GRIN2D: variants seen among roughly 807,000 people sequenced by gnomAD.
The protein encoded by GRIN2D is glutamate ionotropic receptor NMDA type subunit 2D, also known as glutamate receptor ionotropic, NMDA 2D.
A neutral mutation model predicts 103.2 loss-of-function variants in GRIN2D; 37 were observed. That is an observed-to-expected ratio of 0.36 (90% CI 0.28 to 0.47). The LOEUF (loss-of-function observed/expected upper bound fraction) is 0.47. GRIN2D is among the 20% of genes least tolerant of loss of function. The pLI is 1.00. For synonymous variants in GRIN2D, 845 were observed against 885.6 expected (o/e 0.95, Z 0.81); for missense variants, 1,557 against 1,910.6 (o/e 0.81, Z 3.45).
Position 48,443,489 on chromosome 19 carries a change from T to C in GRIN2D, c.3563T>C (p.Leu1188Pro). The change falls in exon 14 of 14, where the codon CTG (leucine) becomes CCG (proline). Residue 1188 changes from leucine to proline, a missense_variant. Transcript: ENST00000263269. The surrounding 1 kb of genome is among the most constrained non-coding windows in gnomAD (Gnocchi z 8.9). Reference protein sequence around the residue: ...WHCRHCASLELLPPPRHLSCS... With the variant: ...WHCRHCASLEPLPPPRHLSCS... ...TGTCGGCACTGCGCCAGCCTGGAGC[T>C]GCTGCCGCCGCCGCGCCATCTCAGC... 7.3e-7 allele frequency: 1 copy of C among 1,360,792 alleles called. No individual in the cohort carries two copies. The highest frequency in any genetic ancestry group is 3.4e-5 in the Admixed American group (1 of 29,610). The allele number at this position is 1,360,792 out of a possible 1,614,324, so 84.3% of individuals were successfully genotyped here. A position where few individuals can be genotyped will look rare whatever the true frequency, so the allele number is the denominator to read the frequency against.
In GRIN2D at chr19:48,398,650, C is replaced by A. The variant is rs1420604125; in HGVS notation, c.258C>A (p.Pro86=). ...GCAGCCCGGGCCTAGACGTGCGGCC[C>A]GTGGCGCTGGTGCTCAACGGCTCGG... is the stretch of plus-strand genomic sequence containing the variant. ...AVRSPGLDVR[P]VALVLNGSDP... Residue 86 remains proline (P), a synonymous_variant, in exon 3 of 14, where the codon CCC becomes CCA. Transcript: ENST00000263269. 7.0e-7 allele frequency: 1 copy of A among 1,435,596 alleles called. No homozygotes were observed. Among genetic ancestry groups the A allele is most frequent in the East Asian group, 3.1e-5 (1 of 32,094 alleles). The allele number at this position is 1,435,596 out of a possible 1,614,324, so 88.9% of individuals were successfully genotyped here. A position where few individuals can be genotyped will look rare whatever the true frequency, so the allele number is the denominator to read the frequency against.
chr19:48,431,334 T>C (rs1044765499), intron 11 of GRIN2D, among the ~76,000 whole-genome samples: 2 of 152,206 alleles, frequency 1.3e-5, no homozygotes, highest in Non-Finnish European at 2.9e-5. Flanking sequence ...TTTGGAGACA[T>C]TGCAAATCTG....
chr19:48,398,874 C>G lies in GRIN2D; in HGVS notation c.465+17C>G. 1.1e-6 allele frequency: 1 copy of G among 944,098 alleles called. No homozygotes were observed. Among genetic ancestry groups the G allele is most frequent in the South Asian group, 4.4e-5 (1 of 22,868 alleles). The allele number at this position is 944,098 out of a possible 1,614,324, so 58.5% of individuals were successfully genotyped here. The stretch of plus-strand genomic sequence containing the variant: ...ACGCCCAAGGTGCGCGCGACCGGGG[C>G]GGGGCGGGGCCACAGGAGGGGCGGG... On this transcript the variant is annotated intron_variant, in intron 3 of 13. Coordinates refer to ENST00000263269, the MANE Select transcript of GRIN2D (RefSeq NM_000836.4).
chr19:48,400,375 C>G (rs965486670), intron 3 of GRIN2D, among the ~76,000 whole-genome samples: 6 of 152,190 alleles, frequency 3.9e-5, no homozygotes, highest in African/African-American at 1.4e-4. Flanking sequence ...TGCAGAGGCT[C>G]GTAGTCCTCT....
In GRIN2D at chr19:48,444,016, G is replaced by C; in HGVS notation, c.*79G>C. ...GGGGCGCCCGCAGTGGACAGGACCC[G>C]CGTGGGTTGGGAAGGAAAGCAGTGG... On this transcript the variant is annotated 3_prime_UTR_variant, in exon 14 of 14. Transcript: ENST00000263269. The surrounding 1 kb of genome is among the most constrained non-coding windows in gnomAD (Gnocchi z 5.5). 4 of 956,332 alleles carry C rather than the reference G, an allele frequency of 4.2e-6. No individual in the cohort carries two copies. Among genetic ancestry groups the C allele is most frequent in the Non-Finnish European group, 5.7e-6 (4 of 707,468 alleles). 59.2% of individuals were successfully genotyped at this position (956,332 alleles called of 1,614,324 possible). A position where few individuals can be genotyped will look rare whatever the true frequency, so the allele number is the denominator to read the frequency against.
intron 11 of GRIN2D, among the ~76,000 whole-genome samples, chr19:48,432,399 CAT>C (rs1204408219): frequency 2.0e-5 from 3 of 151,958 alleles, no homozygotes; most frequent in African/African-American, 7.3e-5. Context: ...ATTCTCATGT[CAT>C]TTGTTCTGAG....
Position 48,414,755 on chromosome 19 carries a change from C to T in GRIN2D, c.1413-109C>T, listed in dbSNP as rs948996681. 2 of 1,349,828 alleles carry T rather than the reference C, an allele frequency of 1.5e-6. No homozygotes were observed. Among genetic ancestry groups the T allele is most frequent in the African/African-American group, 1.5e-5 (1 of 68,834 alleles). The allele number at this position is 1,349,828 out of a possible 1,614,324, so 83.6% of individuals were successfully genotyped here. ...TTTGAGCCTGAGTTTCCCCTGAAAG[C>T]GCTAACCATAGTTTTAGCTGCCGCC... On this transcript the variant is annotated intron_variant, in intron 6 of 13. Coordinates refer to ENST00000263269, the MANE Select transcript of GRIN2D (RefSeq NM_000836.4). This position sits in a 1 kb window ranked among gnomAD's most constrained non-coding sequence, Gnocchi z 4.6.
At position 48,442,790 on chromosome 19, in the gene GRIN2D, C is replaced by G. The variant is rs1272976701; in HGVS notation, c.2864C>G (p.Ala955Gly). Residue 955 changes from alanine (A) to glycine (G), a missense_variant, in exon 14 of 14, where the codon GCG becomes GGG. Physicochemically the swap from Ala to Gly is moderately conservative, Grantham distance 60 (BLOSUM62 0). This residue lies in a region of GRIN2D where 632 missense variants were observed against 572.8 expected (regional missense o/e 1.10). Transcript: ENST00000263269. This position sits in a 1 kb window ranked among gnomAD's most constrained non-coding sequence, Gnocchi z 7.2. ...AAGGGCGCGGGGCCGCCGGGGGGCGCGGGCCTGGCCGACGGCTTCCACCGC... is the reference window on the plus strand; with the variant it reads ...AAGGGCGCGGGGCCGCCGGGGGGCGGGGGCCTGGCCGACGGCTTCCACCGC... ...RTKGAGPPGG[A>G]GLADGFHRYY... The G allele has an allele frequency of 2.8e-6, 3 of 1,069,122 alleles. No individual in the cohort carries two copies. The highest frequency in any genetic ancestry group is 3.4e-6 in the Non-Finnish European group (3 of 885,826). 66.2% of individuals were successfully genotyped at this position (1,069,122 alleles called of 1,614,324 possible).
At position 48,414,699 on chromosome 19, in the gene GRIN2D, G is replaced by T; in HGVS notation, c.1412+115G>T. The T allele has an allele frequency of 1.6e-6, 2 of 1,263,948 alleles. 1 individual carries two copies. The highest frequency in any genetic ancestry group is 5.0e-5 in the East Asian group (2 of 40,106). The allele number at this position is 1,263,948 out of a possible 1,614,324, so 78.3% of individuals were successfully genotyped here. ...GACCCAGGACCCACAAAGCCCTCCA[G>T]CTTGGTGACCTTAGGCAAACCTCAG... is the stretch of plus-strand genomic sequence containing the variant. On this transcript the variant is annotated intron_variant, in intron 6 of 13. Coordinates refer to ENST00000263269, the MANE Select transcript of GRIN2D (RefSeq NM_000836.4). The surrounding 1 kb of genome is among the most constrained non-coding windows in gnomAD (Gnocchi z 4.6).
At chr19:48,426,684 A>G (rs1279997620) in intron 11 of GRIN2D, among the ~76,000 whole-genome samples, 1 of 151,394 alleles carries the variant, frequency 6.6e-6, no homozygotes, top group Admixed American at 6.6e-5. Context: ...TCCCAGGTTC[A>G]GGCGATTCTC....
intron 11 of GRIN2D, among the ~76,000 whole-genome samples, chr19:48,439,266 A>AT (rs1455061225): frequency 1.3e-5 from 2 of 151,652 alleles, no homozygotes; most frequent in Non-Finnish European, 2.9e-5. Context: ...ATATTTAAAA[A>AT]ATATATAAAA....
chr19:48,424,760 C>T (rs1201877586), intron 11 of GRIN2D, among the ~76,000 whole-genome samples: 1 of 152,168 alleles, frequency 6.6e-6, no homozygotes, highest in African/African-American at 2.4e-5. Flanking sequence ...ATCCACAGCC[C>T]TAGTGGCGTG....
At chr19:48,415,614 G>T (rs2147452238) in intron 7 of GRIN2D, among the ~76,000 whole-genome samples, 1 of 145,844 alleles carries the variant, frequency 6.9e-6, no homozygotes, top group South Asian at 2.2e-4. Context: ...TTGGGGCAGT[G>T]GAGGCGGGGC....
chr19:48,426,557 C>T (rs1034103047), intron 11 of GRIN2D, among the ~76,000 whole-genome samples: 1 of 150,982 alleles, frequency 6.6e-6, no homozygotes, highest in African/African-American at 2.4e-5. Flanking sequence ...TGTGTAATTG[C>T]CTCTTTTTTT....
In GRIN2D at chr19:48,410,527, C is replaced by CAAAAAAAA. The variant is rs4009666; in HGVS notation, c.1086-3447_1086-3440dup. ...TGGGCAACAGAGTGAGACTCTGACT[C>CAAAAAAAA]AAAAAAAAAAAAAAAAAAAAAAAAG... is the stretch of plus-strand genomic sequence containing the variant. On this transcript the variant is annotated intron_variant, in intron 4 of 13. Transcript: ENST00000263269. Among the ~76,000 whole-genome samples, 20 of 45,408 alleles carry CAAAAAAAA rather than the reference C, an allele frequency of 4.4e-4. 1 individual carries two copies. Among genetic ancestry groups the CAAAAAAAA allele is most frequent in the East Asian group, 1.5e-3 (2 of 1,300 alleles). 29.8% of individuals were successfully genotyped at this position (45,408 alleles called of 152,430 possible). A position where few individuals can be genotyped will look rare whatever the true frequency, so the allele number is the denominator to read the frequency against.
At chr19:48,437,887 C>T (rs1971249490) in intron 11 of GRIN2D, among the ~76,000 whole-genome samples, 1 of 152,160 alleles carries the variant, frequency 6.6e-6, no homozygotes, top group East Asian at 1.9e-4. Context: ...TATGGGAACT[C>T]CCTGTTAGGA....
Position 48,443,450 on chromosome 19 carries a change from C to T in GRIN2D, c.3524C>T (p.Pro1175Leu), listed in dbSNP as rs2147477588. The T allele has an allele frequency of 5.1e-6, 7 of 1,383,376 alleles. 2 individuals are homozygous for T. The South Asian group carries it at 1.1e-4, about 22-fold the overall frequency. The allele number at this position is 1,383,376 out of a possible 1,614,324, so 85.7% of individuals were successfully genotyped here. Residue 1175 changes from proline to leucine, a missense_variant, in exon 14 of 14, where the codon CCG (proline) becomes CTG (leucine). Transcript: ENST00000263269. This position sits in a 1 kb window ranked among gnomAD's most constrained non-coding sequence, Gnocchi z 8.9. ...GACTACCTGCCCCCGCGCAGCGGTC[C>T]GGCCGCCTGGCACTGTCGGCACTGC... is the stretch of plus-strand genomic sequence containing the variant. The part of the protein sequence containing the change: ...SWDYLPPRSG[P>L]AAWHCRHCAS...
In GRIN2D at chr19:48,398,570, C is replaced by A; in HGVS notation, c.178C>A (p.Pro60Thr). The change falls in exon 3 of 14, where the codon CCC (proline) becomes ACC (threonine). Residue 60 changes from proline (P) to threonine (T), a missense_variant. Around this residue, in one of 7 missense-constraint regions of GRIN2D, gnomAD observed 490 missense variants for 601.1 expected, o/e 0.82. Transcript: ENST00000263269. ...PLNVALVFSG[P>T]AYAAEAARLG... ...CAACGTGGCGCTCGTGTTCTCGGGG[C>A]CCGCGTACGCGGCCGAGGCGGCACG... 8 of 1,182,764 alleles carry A rather than the reference C, an allele frequency of 6.8e-6. No individual in the cohort carries two copies. Among genetic ancestry groups the A allele is most frequent in the Non-Finnish European group, 8.4e-6 (8 of 957,110 alleles). 73.3% of individuals were successfully genotyped at this position (1,182,764 alleles called of 1,614,324 possible). A position where few individuals can be genotyped will look rare whatever the true frequency, so the allele number is the denominator to read the frequency against.
At chr19:48,416,256 G>C in intron 8 of GRIN2D, 101 bp downstream of exon 8, 1 of 1,036,408 alleles carries the variant, frequency 9.6e-7, no homozygotes, top group Non-Finnish European at 1.4e-6. Flanking sequence ...CGGTATCATC[G>C]GTACTTGAAC....
Sources: gnomAD v4.1 joint callset for allele counts (sites outside exome capture counted in the v4.1 genomes callset) on GRCh38, gnomAD v4.1.1 for gene constraint, gnomAD v4.1.1 regional missense constraint, Gnocchi (gnomAD v3.1) non-coding constraint, MANE v1.5 for transcripts, NCBI Gene and HGNC (gene_info 2026-07-23, HGNC 2026-07-21) for gene names.